The following KIF26B variants were observed in gnomAD, a reference collection of about 807,000 sequenced individuals.
KIF26B encodes kinesin family member 26B.
KIF26B carries 63 observed loss-of-function variants against 151.2 expected under a neutral mutation model. The ratio of observed to expected loss-of-function variants is 0.42; its 90% CI spans 0.34 to 0.51. The LOEUF (loss-of-function observed/expected upper bound fraction) is 0.51. Ranked by LOEUF, KIF26B falls within the 20% of genes least tolerant of loss-of-function variation. The pLI is 0.07. For missense variants in KIF26B, 2,813 were observed against 2,913.6 expected (o/e 0.97, Z 0.79); for synonymous variants, 1,357 against 1,262.1 (o/e 1.08, Z -1.59).
chr1:245,433,860 C>A (rs898096048), intron 4 of KIF26B, among the ~76,000 whole-genome samples: 1 of 152,052 alleles, frequency 6.6e-6, no homozygotes, highest in Non-Finnish European at 1.5e-5. Flanking sequence ...CCTTAAGAGT[C>A]CATGGTTTGT....
At chr1:245,499,428 G>T (rs1052407246) in intron 4 of KIF26B, among the ~76,000 whole-genome samples, 1 of 152,212 alleles carries the variant, frequency 6.6e-6, no homozygotes, top group Non-Finnish European at 1.5e-5. Flanking sequence ...TAAGGGTGGA[G>T]TCCCTAATTC....
At chr1:245,383,993 C>T (rs1673478370) in intron 3 of KIF26B, among the ~76,000 whole-genome samples, 1 of 152,162 alleles carries the variant, frequency 6.6e-6, no homozygotes, top group Non-Finnish European at 1.5e-5. Flanking sequence ...AAAGAGAGTA[C>T]AAAACACGAA....
At chr1:245,670,245 C>CATATATATATATAT (rs10584392) in intron 10 of KIF26B, among the ~76,000 whole-genome samples, 7 of 134,738 alleles carry the variant, frequency 5.2e-5, no homozygotes, top group Non-Finnish European at 9.6e-5. Flanking sequence ...TGTGTATATC[C>CATATATATATATAT]ATATATATAT....
At chr1:245,233,653 A>G (rs1670043936) in intron 2 of KIF26B, among the ~76,000 whole-genome samples, 1 of 152,206 alleles carries the variant, frequency 6.6e-6, no homozygotes, top group Non-Finnish European at 1.5e-5. Flanking sequence ...CACTTAAAAA[A>G]AAATCTCTTA....
At chr1:245,666,492 G>A (rs1464384528) in intron 10 of KIF26B, among the ~76,000 whole-genome samples, 1 of 152,140 alleles carries the variant, frequency 6.6e-6, no homozygotes, top group African/African-American at 2.4e-5. Context: ...CCTTGGAGGG[G>A]TTCCTGTACC....
In KIF26B at chr1:245,564,357, G is replaced by A. The variant is rs1249126392; in HGVS notation, c.1350+23407G>A. ...CTATATGTTCTGGACTCTCTTCTAC[G>A]ACACGGAGACCTTTCCCGGAGCAGG... On this transcript the variant is annotated intron_variant, in intron 5 of 14. Coordinates refer to ENST00000407071, the MANE Select transcript of KIF26B (RefSeq NM_018012.4). The surrounding 1 kb of genome is among the most constrained non-coding windows in gnomAD (Gnocchi z 4.6). Among the ~76,000 whole-genome samples the A allele has an allele frequency of 1.3e-5, 2 of 152,062 alleles. No individual in the cohort carries two copies. Among genetic ancestry groups the A allele is most frequent in the Non-Finnish European group, 2.9e-5 (2 of 68,014 alleles).
chr1:245,198,734 A>AG (rs1002051921), intron 2 of KIF26B, among the ~76,000 whole-genome samples: 1 of 151,818 alleles, frequency 6.6e-6, no homozygotes, highest in African/African-American at 2.4e-5. Flanking sequence ...CTCAAAAAAA[A>AG]AAAAAAATTG....
chr1:245,642,640 G>T (rs1265962031), intron 9 of KIF26B, among the ~76,000 whole-genome samples: 1 of 150,896 alleles, frequency 6.6e-6, no homozygotes, highest in Non-Finnish European at 1.5e-5. Flanking sequence ...GCATCTTCTA[G>T]TAAGTCCCTG....
At chr1:245,522,080 A>G (rs376393046) in intron 4 of KIF26B, among the ~76,000 whole-genome samples, 48 of 152,102 alleles carry the variant, frequency 3.2e-4, no homozygotes, top group Middle Eastern at 3.2e-3. Flanking sequence ...CGTGTTAGCC[A>G]GGATGGTCTC....
At chr1:245,379,140 T>C (rs754507449) in intron 3 of KIF26B, among the ~76,000 whole-genome samples, 3 of 152,256 alleles carry the variant, frequency 2.0e-5, no homozygotes, top group Non-Finnish European at 4.4e-5. Context: ...AAATAAATGT[T>C]ATCCTGCAAA....
At chr1:245,522,203 G>T (rs1027490609) in intron 4 of KIF26B, among the ~76,000 whole-genome samples, 7 of 152,122 alleles carry the variant, frequency 4.6e-5, no homozygotes, top group Non-Finnish European at 8.8e-5. Flanking sequence ...GGACCACGCT[G>T]GTAGATGCCT....
At chr1:245,660,980 T>G (rs923465491) in intron 10 of KIF26B, among the ~76,000 whole-genome samples, 2 of 125,234 alleles carry the variant, frequency 1.6e-5, no homozygotes, top group Non-Finnish European at 3.5e-5. Context: ...TCCCTGGCTT[T>G]TCTTTTTTCT....
intron 9 of KIF26B, among the ~76,000 whole-genome samples, chr1:245,616,204 T>C (rs972986510): frequency 2.0e-5 from 3 of 152,252 alleles, no homozygotes; most frequent in Non-Finnish European, 4.4e-5. Flanking sequence ...TCTTTGTTGA[T>C]GTATCCCTGT....
chr1:245,412,395 C>T (rs773867233), intron 3 of KIF26B, among the ~76,000 whole-genome samples: 12 of 152,112 alleles, frequency 7.9e-5, no homozygotes, highest in Admixed American at 2.0e-4. Flanking sequence ...AATTGCTCTC[C>T]GTAGATGTCT....
Position 245,371,992 on chromosome 1 carries a change from T to A in KIF26B, c.999+4625T>A, listed in dbSNP as rs1047057284. ...ATCTGCAGACATTTAGCACAATCTATACACACACAGAGAAAGCAGAAAATT... is the reference window on the plus strand; with the variant it reads ...ATCTGCAGACATTTAGCACAATCTAAACACACACAGAGAAAGCAGAAAATT... On this transcript the variant is annotated intron_variant, in intron 3 of 14. Transcript: ENST00000407071. Among the ~76,000 whole-genome samples, 52 of 151,908 alleles carry A rather than the reference T, an allele frequency of 3.4e-4. 2 individuals carry two copies. Among genetic ancestry groups the A allele is most frequent in the Non-Finnish European group, 4.4e-5 (3 of 67,980 alleles).
chr1:245,214,454 C>T (rs933378378), intron 2 of KIF26B, among the ~76,000 whole-genome samples: 1 of 152,168 alleles, frequency 6.6e-6, no homozygotes, highest in Non-Finnish European at 1.5e-5. Context: ...CAATCTGTAT[C>T]CACAATCTGG....
At chr1:245,522,887 A>C (rs1661159672) in intron 4 of KIF26B, among the ~76,000 whole-genome samples, 1 of 152,204 alleles carries the variant, frequency 6.6e-6, no homozygotes, top group Non-Finnish European at 1.5e-5. Context: ...TATTCTAAGA[A>C]GCTGCTAAGA....
chr1:245,608,250 C>A lies in KIF26B; in HGVS notation c.1651+506C>A, dbSNP rs1016126094. ...CTGGGAAAGGAGGCAGCAGAGCCCC[C>A]CAACAAGGGGTTCATAAATCCCCCC... On this transcript the variant is annotated intron_variant, in intron 7 of 14. Transcript: ENST00000407071. Among the ~76,000 whole-genome samples, 7 of 152,358 alleles carry A rather than the reference C, an allele frequency of 4.6e-5. No individual in the cohort carries two copies. The East Asian group carries it at 1.2e-3, about 25-fold the overall frequency.
intron 5 of KIF26B, among the ~76,000 whole-genome samples, chr1:245,561,839 G>A (rs955709006): frequency 5.9e-5 from 9 of 152,108 alleles, no homozygotes; most frequent in African/African-American, 2.2e-4. Context: ...GGTGCCTTTG[G>A]TTTACTAGAG....
Sources: allele counts gnomAD v4.1 joint callset (sites outside exome capture counted in the v4.1 genomes callset), GRCh38; gene constraint gnomAD v4.1.1; non-coding constraint Gnocchi (gnomAD v3.1); transcripts MANE v1.5; gene names NCBI Gene and HGNC (gene_info 2026-07-23, HGNC 2026-07-21).